SMARCA4: variants seen among roughly 807,000 people sequenced by gnomAD.
SMARCA4 encodes SWI/SNF-related matrix-associated actin-dependent regulator of chromatin subfamily A member 4.
In SMARCA4, 31 loss-of-function variants were observed where a neutral mutation model predicts 193.9. The ratio of observed to expected loss-of-function variants is 0.16; its 90% CI spans 0.12 to 0.22. SMARCA4 has a LOEUF of 0.22. Among genes scored for constraint, SMARCA4 ranks in the 10% least tolerant of loss-of-function variants. SMARCA4 has a pLI of 1.00. For synonymous variants in SMARCA4, 942 were observed against 933.1 expected, an observed-to-expected ratio of 1.01 and a Z score of -0.17; for missense variants, 1,148 against 2,296.0, an observed-to-expected ratio of 0.50 and a Z score of 10.22.
Position 10,987,661 on chromosome 19 carries a change from C to T in SMARCA4, c.860-5C>T. The T allele has an allele frequency of 1.2e-6, 2 of 1,613,114 alleles. No individual in the cohort carries two copies. Among genetic ancestry groups the T allele is most frequent in the Non-Finnish European group, 8.5e-7 (1 of 1,179,802 alleles). ...ATGACGCCCTGGCCCCTTGCCTTCT[C>T]CCAGGACCCATGGCGAATGCTGCTG... On this transcript the variant is annotated splice_polypyrimidine_tract_variant and splice_region_variant and intron_variant, in intron 5 of 34. Coordinates refer to ENST00000344626, the MANE Select transcript of SMARCA4 (RefSeq NM_003072.5). This position sits in a 1 kb window ranked among gnomAD's most constrained non-coding sequence, Gnocchi z 5.3.
At chr19:10,973,407 CT>C (rs775660619) in intron 1 of SMARCA4, among the ~76,000 whole-genome samples, 224 of 143,696 alleles carry the variant, frequency 1.6e-3, no homozygotes, top group Middle Eastern at 7.2e-3. Flanking sequence ...AAGCGGTTTT[CT>C]TTTTTTTTTT....
rs2085917970 is a variant in SMARCA4 at position 10,985,236 on chromosome 19, A to T, written c.223-37A>T. On this transcript the variant is annotated intron_variant, in intron 2 of 34. Transcript: ENST00000344626. The surrounding 1 kb of genome is among the most constrained non-coding windows in gnomAD (Gnocchi z 4.5). Reference sequence around the variant, plus strand: ...TAGCTGCGCTGCCACCTCACGTTCCACATGCTGACCCTGCCTTGCCATGGT... The same window carrying T: ...TAGCTGCGCTGCCACCTCACGTTCCTCATGCTGACCCTGCCTTGCCATGGT... 1 of 1,612,842 alleles carries T rather than the reference A, an allele frequency of 6.2e-7. No individual in the cohort carries two copies. The highest frequency in any genetic ancestry group is 8.5e-7 in the Non-Finnish European group (1 of 1,179,600).
intron 1 of SMARCA4, among the ~76,000 whole-genome samples, chr19:10,975,679 T>G (rs1358631261): frequency 6.6e-6 from 1 of 152,150 alleles, no homozygotes; most frequent in Non-Finnish European, 1.5e-5. Flanking sequence ...TGCTGGGCAA[T>G]TGAGGAGCTT....
intron 21 of SMARCA4, 39 bp from the exon 22 acceptor site, chr19:11,025,383 G>A (rs1204901271): frequency 2.0e-6 from 3 of 1,464,456 alleles, no homozygotes; most frequent in Non-Finnish European, 2.9e-6. Context: ...ACCCCAGGAG[G>A]GCAAGACCCC....
chr19:11,041,032 ATAGT>A lies in SMARCA4; in HGVS notation c.4171-273_4171-270del. 4.0e-6 allele frequency: 2 copies of A among 497,758 alleles called. No homozygotes were observed. The highest frequency in any genetic ancestry group is 7.1e-6 in the Non-Finnish European group (2 of 280,450). The allele number at this position is 497,758 out of a possible 1,614,324, so 30.8% of individuals were successfully genotyped here. On this transcript the variant is annotated intron_variant, in intron 29 of 34. Transcript: ENST00000344626. The surrounding 1 kb of genome is among the most constrained non-coding windows in gnomAD (Gnocchi z 5.6). ...GCACGTTCTTTTCTGTACAGAGAAG[ATAGT>A]TCTTTTTTTTTGGTCAAGAAATTCA...
In SMARCA4 at chr19:10,986,606, G is replaced by T; in HGVS notation, c.760+13G>T. The stretch of plus-strand genomic sequence containing the variant: ...AGCAGGCCTCATGGTAAGACTGGCT[G>T]CCCTGGCCCTCAGGTGTCTCAGAGC... On this transcript the variant is annotated intron_variant, in intron 4 of 34. Transcript: ENST00000344626. The surrounding 1 kb of genome is among the most constrained non-coding windows in gnomAD (Gnocchi z 6.7). 6.5e-7 allele frequency: 1 copy of T among 1,535,682 alleles called. No homozygotes were observed. The highest frequency in any genetic ancestry group is 1.4e-5 in the African/African-American group (1 of 73,154).
At chr19:10,993,963 C>T (rs1422523513) in intron 8 of SMARCA4, among the ~76,000 whole-genome samples, 1 of 152,014 alleles carries the variant, frequency 6.6e-6, no homozygotes, top group Non-Finnish European at 1.5e-5. Flanking sequence ...GTTTTATCAT[C>T]AGAGAGAGAA....
At chr19:11,020,342 A>G (rs1220635632) in intron 18 of SMARCA4, among the ~76,000 whole-genome samples, 1 of 152,142 alleles carries the variant, frequency 6.6e-6, no homozygotes, top group Admixed American at 6.5e-5. Flanking sequence ...AGGAGGGGTA[A>G]AGATGTACCT....
chr19:11,053,639 G>T lies in SMARCA4; in HGVS notation c.4425-4616G>T, dbSNP rs2076387763. Among the ~76,000 whole-genome samples, 4 of 152,264 alleles carry T rather than the reference G, an allele frequency of 2.6e-5. No individual in the cohort carries two copies. In the South Asian group the frequency reaches 8.3e-4, roughly 32 times the overall value. Reference sequence around the variant, plus strand: ...AAATATTTACACTGAGCTGAGCGCAGTGACTCACACCTGTAATTCCAGTGC... The same window carrying T: ...AAATATTTACACTGAGCTGAGCGCATTGACTCACACCTGTAATTCCAGTGC... On this transcript the variant is annotated intron_variant, in intron 30 of 34. Coordinates refer to ENST00000344626, the MANE Select transcript of SMARCA4 (RefSeq NM_003072.5).
Position 10,990,566 on chromosome 19 carries a change from C to G in SMARCA4, c.1246-584C>G, listed in dbSNP as rs529034449. ...GTGCTGGGATTACAGGCATGAGCCACCACGCAGGCCTGGTTTTTGTATTTT... is the reference window on the plus strand; with the variant it reads ...GTGCTGGGATTACAGGCATGAGCCAGCACGCAGGCCTGGTTTTTGTATTTT... On this transcript the variant is annotated intron_variant, in intron 7 of 34. Transcript: ENST00000344626. Among the ~76,000 whole-genome samples the G allele has an allele frequency of 4.6e-5, 7 of 152,310 alleles. No individual in the cohort carries two copies. In the East Asian group the frequency reaches 1.2e-3, roughly 25 times the overall value.
Position 11,031,215 on chromosome 19 carries a change from G to T in SMARCA4, c.3546+322G>T. On this transcript the variant is annotated intron_variant, in intron 25 of 34. Transcript: ENST00000344626. This position sits in a 1 kb window ranked among gnomAD's most constrained non-coding sequence, Gnocchi z 4.3. Reference sequence around the variant, plus strand: ...CCTGATCAATCTGCGCCGTCACTGTGGGGCGGCCCCTGCAGTGTGCCCTGT... The same window carrying T: ...CCTGATCAATCTGCGCCGTCACTGTTGGGCGGCCCCTGCAGTGTGCCCTGT... 1 of 395,060 alleles carries T rather than the reference G, an allele frequency of 2.5e-6. No individual in the cohort carries two copies. The allele number at this position is 395,060 out of a possible 1,614,324, so 24.5% of individuals were successfully genotyped here. A position where few individuals can be genotyped will look rare whatever the true frequency, so the allele number is the denominator to read the frequency against.
chr19:11,048,812 G>A (rs1013749775), intron 30 of SMARCA4, among the ~76,000 whole-genome samples: 3 of 152,180 alleles, frequency 2.0e-5, no homozygotes, highest in Non-Finnish European at 4.4e-5. Context: ...TGTGTTTGAC[G>A]TGACCTCTGT....
At chr19:10,997,737 GATTATAGGC>G (rs547855228) in intron 11 of SMARCA4, among the ~76,000 whole-genome samples, 2 of 152,308 alleles carry the variant, frequency 1.3e-5, no homozygotes, top group South Asian at 4.1e-4. Context: ...AAAGTGTTAG[GATTATAGGC>G]ATGAGCCCCC....
intron 1 of SMARCA4, among the ~76,000 whole-genome samples, chr19:10,969,901 CT>C (rs2084542028): frequency 6.6e-6 from 1 of 152,212 alleles, no homozygotes; most frequent in African/African-American, 2.4e-5. Context: ...CCCCACTGCA[CT>C]GGATGCTCCT....
rs1555780008 is a variant in SMARCA4 at position 11,024,371 on chromosome 19, G to A, written c.3014G>A (p.Arg1005Gln). The change falls in exon 21 of 35, where the codon CGA becomes CAA. Residue 1005 changes from arginine to glutamine, a missense_variant. Arg to Gln is a conservative substitution (Grantham distance 43). Coordinates refer to ENST00000344626, the MANE Select transcript of SMARCA4 (RefSeq NM_003072.5). ...VIKCDMSALQRVLYRHMQAKG... is the reference protein window; with the variant it reads ...VIKCDMSALQQVLYRHMQAKG... ...AAGTGCGACATGTCTGCGCTGCAGC[G>A]AGTGCTCTACCGCCACATGCAGGCC... The A allele has an allele frequency of 1.9e-6, 3 of 1,613,072 alleles. No homozygotes were observed. The highest frequency in any genetic ancestry group is 1.7e-6 in the Non-Finnish European group (2 of 1,179,834).
At chr19:11,002,959 C>T (rs986668061) in intron 11 of SMARCA4, 70 bp from the exon 12 acceptor site, 4 of 1,585,884 alleles carry the variant, frequency 2.5e-6, no homozygotes, top group Non-Finnish European at 2.6e-6. Context: ...GTGCTTCCCA[C>T]CTTGGCCTCT....
rs2145726927 is a variant in SMARCA4 at position 10,984,365 on chromosome 19, A to G, written c.214A>G (p.Met72Val). The change falls in exon 2 of 35, where the codon ATG becomes GTG. Residue 72 changes from methionine to valine, a missense_variant. Physicochemically the swap from Met to Val is conservative, Grantham distance 21. Transcript: ENST00000344626. The surrounding 1 kb of genome is among the most constrained non-coding windows in gnomAD (Gnocchi z 4.3). ...GTACCCTCAGGACAACATGCACCAG[A>G]TGCACAAGGTAGGGATCCCTGTGCC... is the stretch of plus-strand genomic sequence containing the variant. ...GGYPQDNMHQ[M>V]HKPMESMHEK... is the part of the protein sequence containing the mutation. 3.8e-6 allele frequency: 6 copies of G among 1,587,032 alleles called. No homozygotes were observed. The highest frequency in any genetic ancestry group is 5.1e-6 in the Non-Finnish European group (6 of 1,166,510).
At position 10,987,198 on chromosome 19, in the gene SMARCA4, C is replaced by G. The variant is rs1430844451; in HGVS notation, c.859+195C>G. On this transcript the variant is annotated intron_variant, in intron 5 of 34. Coordinates refer to ENST00000344626, the MANE Select transcript of SMARCA4 (RefSeq NM_003072.5). This position sits in a 1 kb window ranked among gnomAD's most constrained non-coding sequence, Gnocchi z 5.3. ...CCAAAGGCTGTCGTTCATCCCTCCT[C>G]TGACAGCTTGTGGCCTTCACCCAGT... Among the ~76,000 whole-genome samples the G allele has an allele frequency of 6.6e-6, 1 of 152,228 alleles. No individual in the cohort carries two copies. Among genetic ancestry groups the G allele is most frequent in the Non-Finnish European group, 1.5e-5 (1 of 68,042 alleles).
chr19:11,061,569 G>C (rs529517973), intron 34 of SMARCA4, among the ~76,000 whole-genome samples: 3 of 152,248 alleles, frequency 2.0e-5, no homozygotes, highest in South Asian at 4.1e-4. Flanking sequence ...GTAGAGACGG[G>C]GTTTCACCGT....
Sources: allele counts gnomAD v4.1 joint callset (sites outside exome capture counted in the v4.1 genomes callset), GRCh38; gene constraint gnomAD v4.1.1; non-coding constraint Gnocchi (gnomAD v3.1); transcripts MANE v1.5; gene names NCBI Gene and HGNC (gene_info 2026-07-23, HGNC 2026-07-21).